Variants in BMPR2 observed in about 807,000 individuals in gnomAD.
BMPR2 encodes bone morphogenetic protein receptor type 2.
A neutral mutation model predicts 100.8 loss-of-function variants in BMPR2; 29 were observed. That is an observed-to-expected ratio of 0.29 (90% confidence interval 0.21 to 0.39). The LOEUF is 0.39. Ranked by LOEUF, BMPR2 falls within the 10% of genes least tolerant of loss-of-function variation. The pLI, the probability that BMPR2 is intolerant of heterozygous loss-of-function variation, is 1.00. For synonymous variants in BMPR2, 382 were observed against 442.3 expected (o/e 0.86, Z 1.71); for missense variants, 1,011 against 1,274.5 (o/e 0.79, Z 3.15).
In BMPR2 at chr2:202,379,944, G is replaced by A. The variant is rs368540494; in HGVS notation, c.76+2394G>A. Among the ~76,000 whole-genome samples the A allele has an allele frequency of 7.2e-5, 11 of 151,906 alleles. No homozygotes were observed. In the South Asian group the frequency reaches 1.9e-3, roughly 26 times the overall value. On this transcript the variant is annotated intron_variant, in intron 1 of 12. Transcript: ENST00000374580. ...ACGACCCTGGCTCACCACAACTTCC[G>A]CCTCCCAGGCGCAAGTGGTTCTCCT... is the stretch of plus-strand genomic sequence containing the variant.
chr2:202,461,194 A>G (rs1296957843), intron 1 of BMPR2, among the ~76,000 whole-genome samples: 1 of 152,174 alleles, frequency 6.6e-6, no homozygotes, highest in Non-Finnish European at 1.5e-5. Context: ...CACATATAAT[A>G]AAAAGAGAAC....
intron 1 of BMPR2, among the ~76,000 whole-genome samples, chr2:202,379,758 T>G (rs1690231716): frequency 6.6e-6 from 1 of 152,230 alleles, no homozygotes; most frequent in Non-Finnish European, 1.5e-5. Flanking sequence ...ACATCCTTTT[T>G]CGGGGTCATG....
chr2:202,533,221 TTCC>T (rs1688060268), intron 9 of BMPR2, among the ~76,000 whole-genome samples: 1 of 152,086 alleles, frequency 6.6e-6, no homozygotes, highest in Non-Finnish European at 1.5e-5. Flanking sequence ...TCTCCTTCCC[TTCC>T]TCCTCTTTTC....
chr2:202,455,198 A>G (rs1692068413), intron 1 of BMPR2, among the ~76,000 whole-genome samples: 1 of 152,220 alleles, frequency 6.6e-6, no homozygotes. Flanking sequence ...TGAAATTAAA[A>G]CAATACTAAA....
chr2:202,442,753 T>C (rs186991247), intron 1 of BMPR2, among the ~76,000 whole-genome samples: 4 of 150,808 alleles, frequency 2.7e-5, no homozygotes, highest in Non-Finnish European at 2.9e-5. Flanking sequence ...TTCATCCTTG[T>C]TGTAGCATAT....
chr2:202,461,879 C>T (rs1046756718), intron 1 of BMPR2, among the ~76,000 whole-genome samples: 11 of 151,826 alleles, frequency 7.2e-5, no homozygotes, highest in East Asian at 1.9e-4. Context: ...GGTAAGAAAT[C>T]GTAATATACT....
At chr2:202,553,597 AG>A (rs1281018759) in intron 11 of BMPR2, among the ~76,000 whole-genome samples, 1 of 152,134 alleles carries the variant, frequency 6.6e-6, no homozygotes, top group Non-Finnish European at 1.5e-5. Context: ...ACTTTCAGAA[AG>A]GCATCCAGGA....
In BMPR2 at chr2:202,456,955, C is replaced by T. The variant is rs540553790; in HGVS notation, c.77-7854C>T. On this transcript the variant is annotated intron_variant, in intron 1 of 12. Transcript: ENST00000374580. ...GAAGACACACAATAGTGTGAACTCT[C>T]CTAATAACTGTATATAAATGTGTAA... 2.0e-5 allele frequency among the ~76,000 whole-genome samples: 3 copies of T among 152,230 alleles called. No homozygotes were observed. The East Asian group carries it at 5.8e-4, about 29-fold the overall frequency.
intron 4 of BMPR2, among the ~76,000 whole-genome samples, 165 bp from the exon 5 acceptor site, chr2:202,514,723 T>C (rs1490497650): frequency 6.6e-6 from 1 of 152,210 alleles, no homozygotes; most frequent in Non-Finnish European, 1.5e-5. Flanking sequence ...AATTTATAGG[T>C]ATTACCTAGT....
chr2:202,437,118 G>C (rs1218272118), intron 1 of BMPR2, among the ~76,000 whole-genome samples: 1 of 150,360 alleles, frequency 6.7e-6, no homozygotes, highest in East Asian at 1.9e-4. Context: ...CGATTCTTCT[G>C]CCTCAGCCTC....
intron 1 of BMPR2, among the ~76,000 whole-genome samples, chr2:202,431,392 G>T (rs1453060964): frequency 6.6e-6 from 1 of 150,584 alleles, no homozygotes; most frequent in Non-Finnish European, 1.5e-5. Flanking sequence ...TTTTCAGTGA[G>T]CCTGGTCAAT....
At chr2:202,389,524 C>A (rs1305305605) in intron 1 of BMPR2, among the ~76,000 whole-genome samples, 1 of 110,774 alleles carries the variant, frequency 9.0e-6, no homozygotes, top group African/African-American at 3.3e-5. Flanking sequence ...AAGATTCCAT[C>A]TCAAAAAAAA....
Position 202,497,604 on chromosome 2 carries a change from C to G in BMPR2, c.419-16115C>G, listed in dbSNP as rs1161886475. Among the ~76,000 whole-genome samples the G allele has an allele frequency of 2.0e-5, 3 of 152,172 alleles. No homozygotes were observed. The East Asian group carries it at 5.8e-4, about 29-fold the overall frequency. ...AAGCCATGCAGCTCCGGGGTCCCAA[C>G]AACAAGTTGGTTGACCCTGCGGCCA... On this transcript the variant is annotated intron_variant, in intron 3 of 12. Coordinates refer to ENST00000374580, the MANE Select transcript of BMPR2 (RefSeq NM_001204.7).
chr2:202,469,539 G>T, intron 3 of BMPR2: 1 of 314,786 alleles, frequency 3.2e-6, no homozygotes. Flanking sequence ...GAGTACAGTG[G>T]CACGATCCCG....
At chr2:202,492,261 C>T (rs1187305884) in intron 3 of BMPR2, among the ~76,000 whole-genome samples, 4 of 151,924 alleles carry the variant, frequency 2.6e-5, no homozygotes, top group Admixed American at 2.0e-4. Context: ...GGCCTTGGTG[C>T]TAGTTACATA....
chr2:202,537,080 G>A (rs942310386), intron 9 of BMPR2, among the ~76,000 whole-genome samples: 2 of 151,802 alleles, frequency 1.3e-5, no homozygotes, highest in East Asian at 3.9e-4. Flanking sequence ...ATTTTTTGTC[G>A]AGACAGTGTT....
intron 1 of BMPR2, among the ~76,000 whole-genome samples, chr2:202,412,565 C>T (rs944494998): frequency 4.6e-5 from 7 of 152,112 alleles, no homozygotes; most frequent in South Asian, 2.1e-4. Context: ...GTGATCCGCC[C>T]GCCTCGGCCT....
intron 1 of BMPR2, among the ~76,000 whole-genome samples, chr2:202,389,179 C>G (rs1446860707): frequency 2.0e-5 from 3 of 151,658 alleles, no homozygotes; most frequent in Non-Finnish European, 2.9e-5. Flanking sequence ...GAGCTGTGAT[C>G]ATGCCACTGC....
intron 1 of BMPR2, among the ~76,000 whole-genome samples, chr2:202,445,771 ATTTTT>A: frequency 8.3e-6 from 1 of 120,040 alleles, no homozygotes; most frequent in Non-Finnish European, 1.6e-5. Context: ...TACAAACATA[ATTTTT>A]TTTTTTTTTT....
Sources: gnomAD v4.1 joint callset for allele counts (sites outside exome capture counted in the v4.1 genomes callset) on GRCh38, gnomAD v4.1.1 for gene constraint, MANE v1.5 for transcripts, NCBI Gene and HGNC (gene_info 2026-07-23, HGNC 2026-07-21) for gene names.